The following ITIH5 variants were observed in gnomAD, a reference collection of about 807,000 sequenced individuals.
ITIH5 encodes inter-alpha-trypsin inhibitor heavy chain H5.
ITIH5 carries 65 observed loss-of-function variants against 77.5 expected under a neutral mutation model. The ratio of observed to expected loss-of-function variants is 0.84; its 90% confidence interval spans 0.69 to 1.03. ITIH5 has a LOEUF of 1.03. ITIH5 is among the 50% of genes least tolerant of loss of function. The pLI is 0.00. For synonymous variants in ITIH5, 525 were observed against 494.3 expected, an observed-to-expected ratio of 1.06 and a Z score of -0.82; for missense variants, 1,208 against 1,213.1, an observed-to-expected ratio of 1.00 and a Z score of 0.06.
chr10:7,615,378 T>G (rs924351790), intron 7 of ITIH5, among the ~76,000 whole-genome samples: 2 of 152,230 alleles, frequency 1.3e-5, no homozygotes, highest in African/African-American at 4.8e-5. Context: ...TTATGTGAGT[T>G]TGAAATGTAT....
intron 7 of ITIH5, among the ~76,000 whole-genome samples, chr10:7,592,076 G>A (rs976550574): frequency 2.0e-5 from 3 of 151,936 alleles, no homozygotes; most frequent in African/African-American, 7.3e-5. Flanking sequence ...TCACTATGTT[G>A]GCCAGGATGG....
intron 7 of ITIH5, chr10:7,600,550 C>T (rs1385316087): frequency 4.4e-6 from 2 of 456,628 alleles, no homozygotes; most frequent in Non-Finnish European, 8.8e-6. Flanking sequence ...CCTTCCCTTT[C>T]CAGTTACACG....
chr10:7,616,597 G>A (rs74723864), intron 6 of ITIH5, among the ~76,000 whole-genome samples: 2 of 152,204 alleles, frequency 1.3e-5, no homozygotes, highest in East Asian at 3.9e-4. Context: ...GGAGGCTGAG[G>A]GGGTCAGATC....
At chr10:7,582,710 T>C (rs1832590534) in intron 8 of ITIH5, among the ~76,000 whole-genome samples, 2 of 152,162 alleles carry the variant, frequency 1.3e-5, no homozygotes, top group East Asian at 3.8e-4. Context: ...CTGGAGCTCA[T>C]TATATTCAGT....
chr10:7,665,742 G>T (rs1242545212), intron 1 of ITIH5, among the ~76,000 whole-genome samples: 1 of 152,214 alleles, frequency 6.6e-6, no homozygotes, highest in Non-Finnish European at 1.5e-5. Context: ...TAAAGGGCTT[G>T]CCCGGAACAC....
chr10:7,584,915 A>C (rs1169015997), intron 8 of ITIH5, among the ~76,000 whole-genome samples: 1 of 152,256 alleles, frequency 6.6e-6, no homozygotes, highest in African/African-American at 2.4e-5. Flanking sequence ...GGAGGCTAGT[A>C]GGAAATCCCA....
At position 7,576,703 on chromosome 10, in the gene ITIH5, G is replaced by C. The variant is rs369927072; in HGVS notation, c.1728C>G (p.Leu576=). 9.3e-6 allele frequency: 15 copies of C among 1,614,018 alleles called. No individual in the cohort carries two copies. The highest frequency in any genetic ancestry group is 1.3e-5 in the Non-Finnish European group (15 of 1,180,018). ...GEGDTNHIER[L]WSYLTTKELL... is the part of the protein sequence containing the mutation. ...GCTCCTTTGTGGTGAGGTAGCTCCA[G>C]AGACGCTCGATGTGGTTGGTGTCCC... is the stretch of plus-strand genomic sequence containing the variant. The change falls in exon 10 of 14, where the codon CTC becomes CTG. Residue 576 remains leucine, a synonymous_variant. Transcript: ENST00000397146.
At chr10:7,641,232 T>C (rs1242315801) in intron 3 of ITIH5, among the ~76,000 whole-genome samples, 1 of 152,088 alleles carries the variant, frequency 6.6e-6, no homozygotes, top group Non-Finnish European at 1.5e-5. Flanking sequence ...TCCAATCTAG[T>C]ATATCAAAGG....
chr10:7,603,169 T>TA (rs1833050049), intron 7 of ITIH5, among the ~76,000 whole-genome samples: 1 of 152,082 alleles, frequency 6.6e-6, no homozygotes, highest in African/African-American at 2.4e-5. Flanking sequence ...GAATCTCTGC[T>TA]AAAAAACGCG....
chr10:7,563,238 G>A lies in ITIH5; in HGVS notation c.2674C>T (p.Gln892Ter). 1 of 1,614,186 alleles carries A rather than the reference G, an allele frequency of 6.2e-7. No homozygotes were observed. The highest frequency in any genetic ancestry group is 8.5e-7 in the Non-Finnish European group (1 of 1,180,030). The change falls in exon 14 of 14, where the codon CAA (glutamine) becomes TAA (stop). Residue 892 changes from glutamine to a stop codon, truncating the protein, a stop_gained. Transcript: ENST00000397146. LOFTEE classifies it low-confidence loss of function (END_TRUNC). ...TCTTCCCCGTTGTAAATCTTCCTTT[G>A]CTTCCAGACCACTGGGACTTGGTGG... ...KGHQVPVVWK[Q>*]RKIYNGEEQI...
At chr10:7,662,188 T>C (rs1434954503) in intron 1 of ITIH5, among the ~76,000 whole-genome samples, 1 of 151,984 alleles carries the variant, frequency 6.6e-6, no homozygotes, top group Non-Finnish European at 1.5e-5. Flanking sequence ...TAAAGCCCCG[T>C]CTCTACAAAA....
intron 7 of ITIH5, among the ~76,000 whole-genome samples, chr10:7,592,438 G>A (rs1437038770): frequency 1.3e-5 from 2 of 152,202 alleles, no homozygotes; most frequent in Middle Eastern, 3.4e-3. Flanking sequence ...GAAGAACAGA[G>A]ATAGAGGAGA....
chr10:7,633,255 G>C (rs139988965), intron 5 of ITIH5, among the ~76,000 whole-genome samples: 1 of 152,176 alleles, frequency 6.6e-6, no homozygotes, highest in African/African-American at 2.4e-5. Context: ...CCACGTACCT[G>C]TGTTAACTAT....
In ITIH5 at chr10:7,560,444, G is replaced by A. The variant is rs1405841204; in HGVS notation, c.*2639C>T. On this transcript the variant is annotated 3_prime_UTR_variant, in exon 14 of 14. Coordinates refer to ENST00000397146, the MANE Select transcript of ITIH5 (RefSeq NM_030569.7). Reference sequence around the variant, plus strand: ...GTGCCCACTCCGATTCCCAGTCCCCGGCCTCCTCAGCACAGCTGTGGCACC... The same window carrying A: ...GTGCCCACTCCGATTCCCAGTCCCCAGCCTCCTCAGCACAGCTGTGGCACC... 3.3e-5 allele frequency: 5 copies of A among 152,274 alleles called. No homozygotes were observed. The highest frequency in any genetic ancestry group is 3.9e-4 in the East Asian group (2 of 5,176). The allele number at this position is 152,274 out of a possible 1,614,324, so 9.4% of individuals were successfully genotyped here.
rs375901612 is a variant in ITIH5 at position 7,576,449 on chromosome 10, G to A, written c.1978+4C>T. The A allele has an allele frequency of 1.2e-5, 19 of 1,572,046 alleles. No individual in the cohort carries two copies. In the African/African-American group the frequency reaches 1.3e-4, roughly 11 times the overall value. On this transcript the variant is annotated splice_donor_region_variant and intron_variant, in intron 10 of 13. Coordinates refer to ENST00000397146, the MANE Select transcript of ITIH5 (RefSeq NM_030569.7). ...CACACCTGGCTGGCACAGGTGCCTCGTACCTGGCTGCGTGCCAGCTCCTCG... is the reference window on the plus strand; with the variant it reads ...CACACCTGGCTGGCACAGGTGCCTCATACCTGGCTGCGTGCCAGCTCCTCG...
At chr10:7,599,522 T>C (rs1189987946) in intron 7 of ITIH5, among the ~76,000 whole-genome samples, 3 of 152,212 alleles carry the variant, frequency 2.0e-5, no homozygotes, top group Admixed American at 2.0e-4. Flanking sequence ...GGATTCTAGA[T>C]CCCCGCATGT....
intron 7 of ITIH5, among the ~76,000 whole-genome samples, chr10:7,595,312 C>A (rs1832872720): frequency 6.6e-6 from 1 of 150,412 alleles, no homozygotes; most frequent in Non-Finnish European, 1.5e-5. Flanking sequence ...AAAATCGCGC[C>A]CAGATAGATA....
intron 7 of ITIH5, among the ~76,000 whole-genome samples, chr10:7,596,822 A>T (rs190508037): frequency 1.6e-4 from 25 of 152,068 alleles, no homozygotes; most frequent in Non-Finnish European, 3.5e-4. Flanking sequence ...TCGAGGAAGG[A>T]CGATCACCTG....
intron 13 of ITIH5, among the ~76,000 whole-genome samples, chr10:7,564,659 G>A (rs989413795): frequency 1.3e-5 from 2 of 151,870 alleles, no homozygotes; most frequent in Non-Finnish European, 2.9e-5. Context: ...GTCACGTAAT[G>A]ACCAAATCAC....
Sources: gnomAD v4.1 joint callset for allele counts (sites outside exome capture counted in the v4.1 genomes callset) on GRCh38, gnomAD v4.1.1 for gene constraint, MANE v1.5 for transcripts, NCBI Gene and HGNC (gene_info 2026-07-23, HGNC 2026-07-21) for gene names.